The following NYAP2 variants were observed in gnomAD, a reference collection of about 807,000 sequenced individuals.
NYAP2 encodes the protein neuronal tyrosine-phosphorylated phosphoinositide-3-kinase adapter 2.
In NYAP2, 23 loss-of-function variants were observed where a neutral mutation model predicts 50.4. That is an observed-to-expected ratio of 0.46 (90% CI 0.33 to 0.65). The LOEUF is 0.65. NYAP2 is among the 30% of genes least tolerant of loss of function. NYAP2 has a pLI of 0.02. For synonymous variants in NYAP2, 394 were observed against 365.2 expected, an observed-to-expected ratio of 1.08 and a Z score of -0.90; for missense variants, 885 against 861.0, an observed-to-expected ratio of 1.03 and a Z score of -0.35.
At chr2:225,562,881 C>T (rs1691899508) in intron 4 of NYAP2, among the ~76,000 whole-genome samples, 1 of 152,116 alleles carries the variant, frequency 6.6e-6, no homozygotes, top group Non-Finnish European at 1.5e-5. Flanking sequence ...TTTTCTCTTA[C>T]TTCAATAGTG....
chr2:225,598,637 G>A (rs2106240216), intron 5 of NYAP2, among the ~76,000 whole-genome samples: 1 of 152,330 alleles, frequency 6.6e-6, no homozygotes, highest in African/African-American at 2.4e-5. Context: ...CAAATGCACA[G>A]AAGGAATGCT....
intron 3 of NYAP2, among the ~76,000 whole-genome samples, chr2:225,440,044 C>T (rs987933676): frequency 3.9e-5 from 6 of 152,308 alleles, no homozygotes; most frequent in South Asian, 4.1e-4. Flanking sequence ...ATCACTAGAA[C>T]AGCATGTGGG....
At chr2:225,508,246 C>T (rs897853011) in intron 3 of NYAP2, among the ~76,000 whole-genome samples, 9 of 152,182 alleles carry the variant, frequency 5.9e-5, no homozygotes, top group Non-Finnish European at 1.3e-4. Context: ...CAACAAGACT[C>T]TTTCTTTAGC....
At chr2:225,679,363 C>T in the NYAP2 span, among the ~76,000 whole-genome samples, 1 of 152,038 alleles carries the variant, frequency 6.6e-6, no homozygotes, top group South Asian at 2.1e-4. Context: ...CTACAATGTT[C>T]ATTAATGCAC....
chr2:225,447,607 C>T (rs1689583241), intron 3 of NYAP2, among the ~76,000 whole-genome samples: 1 of 152,006 alleles, frequency 6.6e-6, no homozygotes, highest in Non-Finnish European at 1.5e-5. Context: ...GTTAGAACCT[C>T]AAATCTACTG....
chr2:225,509,450 C>T lies in NYAP2; in HGVS notation c.222-3921C>T, dbSNP rs576545827. Among the ~76,000 whole-genome samples, 10 of 152,266 alleles carry T rather than the reference C, an allele frequency of 6.6e-5. No homozygotes were observed. The South Asian group carries it at 1.7e-3, about 25-fold the overall frequency. ...TTAGAGCTAGGGTCTTTCTTTGTTG[C>T]CCAGGCTGGAGTGGTGCAGTGGCAT... is the stretch of plus-strand genomic sequence containing the variant. On this transcript the variant is annotated intron_variant, in intron 3 of 6. Coordinates refer to ENST00000636099, the Ensembl canonical transcript of NYAP2.
intron 4 of NYAP2, among the ~76,000 whole-genome samples, chr2:225,576,809 T>TCAAAA (rs1404962459): frequency 2.0e-5 from 3 of 152,188 alleles, no homozygotes. Flanking sequence ...TTTGAGATTC[T>TCAAAA]CTTAGATATT....
intron 3 of NYAP2, among the ~76,000 whole-genome samples, chr2:225,428,269 C>G (rs1240742513): frequency 6.6e-6 from 1 of 152,094 alleles, no homozygotes; most frequent in South Asian, 2.1e-4. Flanking sequence ...TCCCTGCTGG[C>G]CTTTGAGTTC....
intron 5 of NYAP2, among the ~76,000 whole-genome samples, chr2:225,591,071 C>G (rs1670688246): frequency 6.6e-6 from 1 of 152,178 alleles, no homozygotes; most frequent in African/African-American, 2.4e-5. Flanking sequence ...GAAGTCCATC[C>G]AGATGAGTCC....
chr2:225,580,891 C>T (rs1483158937), intron 4 of NYAP2, among the ~76,000 whole-genome samples: 1 of 152,164 alleles, frequency 6.6e-6, no homozygotes. Context: ...ATGCTACTAT[C>T]TTCTGTAAGC....
the NYAP2 span, among the ~76,000 whole-genome samples, chr2:225,685,025 T>C: frequency 1.3e-5 from 2 of 152,192 alleles, no homozygotes; most frequent in Non-Finnish European, 2.9e-5. Context: ...TCTCCTTTTA[T>C]AATGTACTTA....
At chr2:225,560,185 C>T (rs1464727777) in intron 4 of NYAP2, among the ~76,000 whole-genome samples, 2 of 152,014 alleles carry the variant, frequency 1.3e-5, no homozygotes, top group African/African-American at 4.8e-5. Flanking sequence ...TAGACACTTA[C>T]TTTACAAAAA....
intron 4 of NYAP2, among the ~76,000 whole-genome samples, chr2:225,569,418 AT>A (rs983723968): frequency 5.9e-4 from 90 of 151,954 alleles, no homozygotes; most frequent in Non-Finnish European, 2.8e-4. Flanking sequence ...GAGAGAGGGG[AT>A]TGAGAGAAAG....
intron 3 of NYAP2, among the ~76,000 whole-genome samples, chr2:225,495,157 C>A (rs1401633021): frequency 8.5e-5 from 13 of 152,100 alleles, no homozygotes; most frequent in Admixed American, 7.9e-4. Context: ...CATGTTGAGA[C>A]CTATACAGCT....
chr2:225,462,514 T>A (rs1689849379), intron 3 of NYAP2, among the ~76,000 whole-genome samples: 2 of 152,094 alleles, frequency 1.3e-5, no homozygotes, highest in African/African-American at 2.4e-5. Flanking sequence ...TCCATCCCAA[T>A]GAATGACTTT....
the NYAP2 span, among the ~76,000 whole-genome samples, chr2:225,664,013 C>T: frequency 2.0e-5 from 3 of 152,074 alleles, no homozygotes; most frequent in East Asian, 5.8e-4. Context: ...GCTTTTTTAT[C>T]TTTCCCAAGC....
rs201066284 is a variant in NYAP2 at position 225,412,399 on chromosome 2, A to T, written c.221+3298A>T. 1.3e-4 allele frequency among the ~76,000 whole-genome samples: 20 copies of T among 151,700 alleles called. No homozygotes were observed. The East Asian group carries it at 3.9e-3, about 29-fold the overall frequency. Reference sequence around the variant, plus strand: ...TTAGAGAAAGGGAAAAATTACTGTTAGAGTGTCCTTGAGTGGGTAGGAAAG... The same window carrying T: ...TTAGAGAAAGGGAAAAATTACTGTTTGAGTGTCCTTGAGTGGGTAGGAAAG... On this transcript the variant is annotated intron_variant, in intron 3 of 6. Coordinates refer to ENST00000636099, the Ensembl canonical transcript of NYAP2.
At chr2:225,655,988 A>AT (rs568632866), downstream of NYAP2, among the ~76,000 whole-genome samples, 7 of 151,238 alleles carry the variant, frequency 4.6e-5, no homozygotes, top group Non-Finnish European at 7.4e-5. Flanking sequence ...ACAAACACAT[A>AT]TTTTTTTTAC....
intron 4 of NYAP2, among the ~76,000 whole-genome samples, chr2:225,517,657 C>T (rs143038095): frequency 6.6e-6 from 1 of 152,074 alleles, no homozygotes; most frequent in African/African-American, 2.4e-5. Context: ...AAAGAAGGTG[C>T]CGTACAAATA....
Sources: allele counts gnomAD v4.1 joint callset (sites outside exome capture counted in the v4.1 genomes callset), GRCh38; gene constraint gnomAD v4.1.1; transcripts MANE v1.5; gene names NCBI Gene and HGNC (gene_info 2026-07-23, HGNC 2026-07-21).